Variants in DIS3L2 observed in about 807,000 individuals in gnomAD.
DIS3L2 encodes DIS3 like 3'-5' exoribonuclease 2, also known as DIS3-like exonuclease 2.
A neutral mutation model predicts 97.5 loss-of-function variants in DIS3L2; 34 were observed. That is an observed-to-expected ratio of 0.35 (90% confidence interval 0.27 to 0.46). The LOEUF is 0.46. DIS3L2 is among the 20% of genes least tolerant of loss of function. The probability of loss-of-function intolerance (pLI) is 1.00; values close to 1 mark genes in which losing one functional copy is unlikely to be tolerated. For synonymous variants in DIS3L2, 435 were observed against 445.2 expected (o/e 0.98, Z 0.29); for missense variants, 1,038 against 1,146.0 (o/e 0.91, Z 1.36).
At chr2:232,092,828 A>G (rs577132833) in intron 6 of DIS3L2, among the ~76,000 whole-genome samples, 2 of 152,314 alleles carry the variant, frequency 1.3e-5, no homozygotes, top group South Asian at 2.1e-4. Flanking sequence ...AGATCATACC[A>G]TCTGCAAGCA....
intron 14 of DIS3L2, among the ~76,000 whole-genome samples, chr2:232,321,854 A>G (rs1695447064): frequency 6.6e-6 from 1 of 152,112 alleles, no homozygotes. Context: ...GTCCCAGCCC[A>G]GCCAGGCGGT....
chr2:232,108,776 G>A (rs1480796303), intron 6 of DIS3L2, among the ~76,000 whole-genome samples: 1 of 152,104 alleles, frequency 6.6e-6, no homozygotes, highest in Non-Finnish European at 1.5e-5. Flanking sequence ...GGCAAGCTGA[G>A]AGCCAAATCA....
chr2:232,278,496 A>G (rs1026773038), intron 13 of DIS3L2, among the ~76,000 whole-genome samples: 4 of 152,156 alleles, frequency 2.6e-5, no homozygotes, highest in African/African-American at 9.7e-5. Context: ...GCCCCTGGCA[A>G]CCATTAACCT....
chr2:232,282,432 A>C (rs1694316290), intron 13 of DIS3L2, among the ~76,000 whole-genome samples: 1 of 152,180 alleles, frequency 6.6e-6, no homozygotes, highest in Admixed American at 6.5e-5. Flanking sequence ...TCCCATTTTC[A>C]ATGGGCCTTG....
At chr2:232,046,762 C>G (rs1043613922) in intron 5 of DIS3L2, among the ~76,000 whole-genome samples, 3 of 152,154 alleles carry the variant, frequency 2.0e-5, no homozygotes, top group South Asian at 4.1e-4. Context: ...TTATTTTTAT[C>G]CTACTAAGTG....
chr2:232,263,700 G>T (rs1444125989), intron 13 of DIS3L2, among the ~76,000 whole-genome samples: 1 of 152,146 alleles, frequency 6.6e-6, no homozygotes, highest in Admixed American at 6.5e-5. Flanking sequence ...CAAAGAGTGG[G>T]TCTGTGTGGG....
At chr2:232,226,709 C>T (rs1244860885) in intron 10 of DIS3L2, among the ~76,000 whole-genome samples, 2 of 152,160 alleles carry the variant, frequency 1.3e-5, no homozygotes, top group Non-Finnish European at 2.9e-5. Context: ...GGGTGGCTCA[C>T]GCCTGTAACC....
intron 8 of DIS3L2, among the ~76,000 whole-genome samples, chr2:232,161,601 G>C (rs1690653624): frequency 6.6e-6 from 1 of 152,110 alleles, no homozygotes. Flanking sequence ...CACCCGAATA[G>C]CTGGAATTAC....
chr2:232,067,317 A>G (rs1316676784), intron 5 of DIS3L2, among the ~76,000 whole-genome samples: 2 of 152,194 alleles, frequency 1.3e-5, no homozygotes, highest in Non-Finnish European at 1.5e-5. Flanking sequence ...TGCATTGCAC[A>G]CATGTTAGCG....
At chr2:232,122,546 G>A (rs978663516) in intron 6 of DIS3L2, among the ~76,000 whole-genome samples, 1 of 152,046 alleles carries the variant, frequency 6.6e-6, no homozygotes, top group African/African-American at 2.4e-5. Flanking sequence ...GTGAAACCCT[G>A]TCTCTACTAA....
At chr2:231,968,272 A>C (rs1205725898) in intron 1 of DIS3L2, among the ~76,000 whole-genome samples, 2 of 151,926 alleles carry the variant, frequency 1.3e-5, no homozygotes, top group Non-Finnish European at 1.5e-5. Context: ...TAATTTTTGT[A>C]TTTTTAATAG....
intron 8 of DIS3L2, among the ~76,000 whole-genome samples, chr2:232,139,314 T>G (rs981396436): frequency 6.6e-6 from 1 of 152,214 alleles, no homozygotes; most frequent in Non-Finnish European, 1.5e-5. Flanking sequence ...GTTATTCTGC[T>G]TCTCTCTGCA....
intron 13 of DIS3L2, among the ~76,000 whole-genome samples, chr2:232,342,892 CTT>C (rs1696144318): frequency 6.6e-6 from 1 of 151,806 alleles, no homozygotes; most frequent in South Asian, 2.1e-4. Context: ...GTCGATGGGT[CTT>C]TTCTGCAGAA....
chr2:232,142,295 A>C (rs1690082831), intron 8 of DIS3L2, among the ~76,000 whole-genome samples: 2 of 152,182 alleles, frequency 1.3e-5, no homozygotes, highest in African/African-American at 4.8e-5. Flanking sequence ...TGTGTCTTCA[A>C]CACTGAGAAA....
rs781314662 is a variant in DIS3L2, at chr2:232,279,535, TTTG to T, written c.1659+16098_1659+16100del. Reference sequence around the variant, plus strand: ...GTTTGTTTGTTTGTTTGTTTGTTTGTTTGTTTGTTTTTTGAGATAGTCTTGCAC... The same window carrying T: ...GTTTGTTTGTTTGTTTGTTTGTTTGTTTTGTTTTTTGAGATAGTCTTGCAC... On this transcript the variant is annotated intron_variant, in intron 13 of 20. Transcript: ENST00000325385. Among the ~76,000 whole-genome samples, 1,051 of 151,904 alleles carry T rather than the reference TTTG, an allele frequency of 6.9e-3. 6 individuals are homozygous for T. The highest frequency in any genetic ancestry group is 0.017 in the South Asian group (83 of 4,808).
chr2:232,210,558 C>G (rs1257314649), intron 10 of DIS3L2, among the ~76,000 whole-genome samples, 153 bp downstream of exon 10: 1 of 152,240 alleles, frequency 6.6e-6, no homozygotes, highest in Non-Finnish European at 1.5e-5. Context: ...GCCTTTACAA[C>G]TATGTGACCT....
chr2:232,170,733 C>G (rs998579038), intron 9 of DIS3L2, among the ~76,000 whole-genome samples: 2 of 152,032 alleles, frequency 1.3e-5, no homozygotes, highest in African/African-American at 4.8e-5. Context: ...AGCTTCTCGG[C>G]TGCCAAAATA....
intron 1 of DIS3L2, among the ~76,000 whole-genome samples, chr2:231,979,023 C>T (rs1458903444): frequency 2.0e-5 from 3 of 152,014 alleles, no homozygotes; most frequent in Non-Finnish European, 4.4e-5. Context: ...ATATTTTCTC[C>T]TAGTCAATTG....
At chr2:232,255,440 A>G (rs146430132) in intron 12 of DIS3L2, among the ~76,000 whole-genome samples, 59 of 152,338 alleles carry the variant, frequency 3.9e-4, no homozygotes, top group Non-Finnish European at 6.9e-4. Flanking sequence ...TGGAGCAGGC[A>G]TGGTCAGCTA....
Sources: gnomAD v4.1 joint callset for allele counts (sites outside exome capture counted in the v4.1 genomes callset) on GRCh38, gnomAD v4.1.1 for gene constraint, MANE v1.5 for transcripts, NCBI Gene and HGNC (gene_info 2026-07-23, HGNC 2026-07-21) for gene names.